ASAP1: variants seen among roughly 807,000 people sequenced by gnomAD.
The protein encoded by ASAP1 is ArfGAP with SH3 domain, ankyrin repeat and PH domain 1, also known as arf-GAP with SH3 domain, ANK repeat and PH domain-containing protein 1.
A neutral mutation model predicts 145.2 loss-of-function variants in ASAP1; 43 were observed. That is an observed-to-expected ratio of 0.30 (90% CI 0.23 to 0.38). The LOEUF is 0.38. ASAP1 is among the 10% of genes least tolerant of loss of function. The probability of loss-of-function intolerance (pLI) is 1.00; values close to 1 mark genes in which losing one functional copy is unlikely to be tolerated. For missense variants in ASAP1, 1,018 were observed against 1,355.3 expected, an observed-to-expected ratio of 0.75 and a Z score of 3.91; for synonymous variants, 546 against 515.5, an observed-to-expected ratio of 1.06 and a Z score of -0.80.
chr8:130,343,478 G>C (rs955286639), intron 3 of ASAP1, among the ~76,000 whole-genome samples: 2 of 152,202 alleles, frequency 1.3e-5, no homozygotes, highest in African/African-American at 4.8e-5. Flanking sequence ...TTCTTTTGGA[G>C]AAACTTAAAT....
rs1440726279 is a variant in ASAP1 at position 130,197,568 on chromosome 8, T to C, written c.406-9385A>G. On this transcript the variant is annotated intron_variant, in intron 5 of 29. Transcript: ENST00000518721. ...TCCTGGTAACCCTACAAGGTATTAC[T>C]AAATAACTTGGCCAAACACACGCAG... Among the ~76,000 whole-genome samples, 4 of 152,228 alleles carry C rather than the reference T, an allele frequency of 2.6e-5. No individual in the cohort carries two copies. The East Asian group carries it at 5.8e-4, about 22-fold the overall frequency.
chr8:130,201,619 A>AG (rs1346030808), intron 5 of ASAP1, among the ~76,000 whole-genome samples: 19 of 152,330 alleles, frequency 1.2e-4, no homozygotes, highest in Non-Finnish European at 1.9e-4. Context: ...AAGGGGAAGT[A>AG]GCTAGGATTT....
chr8:130,391,032 C>A (rs1308546341), intron 2 of ASAP1, among the ~76,000 whole-genome samples: 1 of 150,024 alleles, frequency 6.7e-6, no homozygotes, highest in African/African-American at 2.5e-5. Context: ...GAAGCAAACA[C>A]GTATTCATCC....
intron 3 of ASAP1, among the ~76,000 whole-genome samples, chr8:130,321,196 G>C (rs1823983264): frequency 6.6e-6 from 1 of 152,060 alleles, no homozygotes. Flanking sequence ...GGATTATAGT[G>C]AATAAGCCCC....
intron 3 of ASAP1, among the ~76,000 whole-genome samples, chr8:130,275,144 A>G (rs1405516892): frequency 6.6e-6 from 1 of 152,226 alleles, no homozygotes; most frequent in Non-Finnish European, 1.5e-5. Context: ...GAGCATATAC[A>G]AAGCTCTGAG....
intron 3 of ASAP1, among the ~76,000 whole-genome samples, chr8:130,330,511 C>A (rs2670879): frequency 1.3e-5 from 2 of 152,250 alleles, no homozygotes; most frequent in African/African-American, 2.4e-5. Flanking sequence ...GAAAGCATGT[C>A]TAATTCATTC....
intron 2 of ASAP1, among the ~76,000 whole-genome samples, chr8:130,397,050 C>G (rs543197488): frequency 6.6e-6 from 1 of 152,198 alleles, no homozygotes; most frequent in African/African-American, 2.4e-5. Context: ...TCTTTATTCC[C>G]TTGGACTTGA....
chr8:130,178,471 G>C (rs76489239), intron 9 of ASAP1, among the ~76,000 whole-genome samples: 15,918 of 152,238 alleles, frequency 0.1, 981 homozygotes, highest in South Asian at 0.28. Flanking sequence ...AACAAAAATG[G>C]TGCCAGTGTA....
At chr8:130,418,404 C>T (rs1829576351) in intron 1 of ASAP1, among the ~76,000 whole-genome samples, 1 of 152,044 alleles carries the variant, frequency 6.6e-6, no homozygotes, top group Admixed American at 6.6e-5. Context: ...AAAAATTAGT[C>T]GGTCATGGTG....
intron 3 of ASAP1, among the ~76,000 whole-genome samples, chr8:130,317,701 C>T (rs1003639753): frequency 6.6e-6 from 1 of 152,224 alleles, no homozygotes; most frequent in Non-Finnish European, 1.5e-5. Flanking sequence ...AGGCCTGGGG[C>T]TCTGTTGCTA....
chr8:130,332,764 C>T (rs1586847189), intron 3 of ASAP1, among the ~76,000 whole-genome samples: 1 of 152,106 alleles, frequency 6.6e-6, no homozygotes, highest in Non-Finnish European at 1.5e-5. Context: ...AATTTTCCAA[C>T]CTGGAAGAAG....
chr8:130,402,948 G>C (rs565641286), intron 1 of ASAP1, among the ~76,000 whole-genome samples: 1 of 151,300 alleles, frequency 6.6e-6, no homozygotes, highest in Admixed American at 6.6e-5. Flanking sequence ...TTTTATTACA[G>C]GGAATTGTGT....
intron 27 of ASAP1, among the ~76,000 whole-genome samples, chr8:130,064,046 T>C (rs1195064317): frequency 6.6e-6 from 1 of 151,998 alleles, no homozygotes; most frequent in Non-Finnish European, 1.5e-5. Context: ...GCGTCAAAAA[T>C]GTGCAGGAGG....
At chr8:130,225,854 C>T (rs1817556445) in intron 4 of ASAP1, among the ~76,000 whole-genome samples, 1 of 152,130 alleles carries the variant, frequency 6.6e-6, no homozygotes, top group Admixed American at 6.6e-5. Context: ...GAGCTTACCA[C>T]CTTCAATCTA....
chr8:130,209,299 G>A (rs1268677141), intron 5 of ASAP1, among the ~76,000 whole-genome samples: 1 of 152,150 alleles, frequency 6.6e-6, no homozygotes, highest in Non-Finnish European at 1.5e-5. Flanking sequence ...CGGTAGGGTT[G>A]GAATCATAAC....
At chr8:130,375,849 T>C (rs1049027907) in intron 2 of ASAP1, among the ~76,000 whole-genome samples, 2 of 152,242 alleles carry the variant, frequency 1.3e-5, no homozygotes, top group Non-Finnish European at 2.9e-5. Flanking sequence ...GACTGTTTTC[T>C]ACATCAGCTG....
At chr8:130,315,355 G>C (rs1008910354) in intron 3 of ASAP1, among the ~76,000 whole-genome samples, 2 of 152,180 alleles carry the variant, frequency 1.3e-5, no homozygotes, top group African/African-American at 2.4e-5. Context: ...TGTCAGGGAT[G>C]AGAGTTGAGA....
intron 20 of ASAP1, 116 bp downstream of exon 20, chr8:130,118,045 T>A: frequency 1.3e-6 from 1 of 773,472 alleles, no homozygotes; most frequent in South Asian, 2.0e-5. Context: ...AATTTTTATA[T>A]CTAGCATGAC....
chr8:130,357,129 C>T (rs142659886), intron 3 of ASAP1, among the ~76,000 whole-genome samples: 2 of 152,324 alleles, frequency 1.3e-5, no homozygotes, highest in East Asian at 3.9e-4. Context: ...TTTCAGGTTC[C>T]TCTTTGCCCA....
Sources: allele counts gnomAD v4.1 joint callset (sites outside exome capture counted in the v4.1 genomes callset), GRCh38; gene constraint gnomAD v4.1.1; transcripts MANE v1.5; gene names NCBI Gene and HGNC (gene_info 2026-07-23, HGNC 2026-07-21).